PUM1: variants seen among roughly 807,000 people sequenced by gnomAD.
The protein encoded by PUM1 is pumilio homolog 1.
Under a neutral mutation model 131.8 loss-of-function variants are expected in PUM1, and 13 were observed. The observed-to-expected ratio is 0.10, with a 90% confidence interval of 0.06 to 0.16. The LOEUF (loss-of-function observed/expected upper bound fraction) is 0.16, where lower values mean the gene tolerates loss of function less well. PUM1 is among the 10% of genes least tolerant of loss of function. PUM1 has a pLI of 1.00. For synonymous variants in PUM1, 509 were observed against 556.5 expected (o/e 0.91, Z 1.20); for missense variants, 961 against 1,512.4 (o/e 0.64, Z 6.05).
intron 2 of PUM1, among the ~76,000 whole-genome samples, chr1:31,047,509 C>T (rs898481015): frequency 6.6e-6 from 1 of 152,246 alleles, no homozygotes; most frequent in African/African-American, 2.4e-5. Context: ...TCTTTCCACA[C>T]ACCCAGAAAC....
chr1:31,018,414 C>A (rs1642901197), intron 3 of PUM1, among the ~76,000 whole-genome samples: 2 of 152,122 alleles, frequency 1.3e-5, no homozygotes, highest in Non-Finnish European at 2.9e-5. Flanking sequence ...CTAATCCCAG[C>A]ACTTTGGGAG....
chr1:30,966,951 C>T (rs1041337331), intron 12 of PUM1: 8 of 503,188 alleles, frequency 1.6e-5, no homozygotes, highest in Non-Finnish European at 2.1e-5. Context: ...TTCTAACCAG[C>T]TGGCACATGC....
intron 14 of PUM1, among the ~76,000 whole-genome samples, chr1:30,960,703 G>A (rs2124430737): frequency 6.6e-6 from 1 of 152,194 alleles, no homozygotes; most frequent in Non-Finnish European, 1.5e-5. Context: ...TGCAAGACCT[G>A]CACACCAAAA....
At chr1:31,060,872 C>T (rs1293956879) in intron 1 of PUM1, among the ~76,000 whole-genome samples, 2 of 149,254 alleles carry the variant, frequency 1.3e-5, no homozygotes, top group Admixed American at 1.3e-4. Context: ...GGCGACAAAT[C>T]GAGACTCTGT....
intron 14 of PUM1, among the ~76,000 whole-genome samples, chr1:30,959,385 C>T (rs374742750): frequency 6.6e-6 from 1 of 152,082 alleles, no homozygotes; most frequent in African/African-American, 2.4e-5. Context: ...ACAAACACAC[C>T]AAATCGAACA....
At chr1:30,979,060 C>T (rs780852223) in intron 9 of PUM1, among the ~76,000 whole-genome samples, 5 of 150,110 alleles carry the variant, frequency 3.3e-5, no homozygotes, top group Admixed American at 6.7e-5. Context: ...ACTGTATTCA[C>T]GCCACTGCAT....
At chr1:30,966,631 C>G (rs949631205) in intron 12 of PUM1, among the ~76,000 whole-genome samples, 2 of 152,186 alleles carry the variant, frequency 1.3e-5, no homozygotes, top group African/African-American at 4.8e-5. Context: ...ATGTAATGCA[C>G]ATACACATCC....
chr1:30,961,981 T>C (rs997568295), intron 14 of PUM1, among the ~76,000 whole-genome samples: 1 of 152,220 alleles, frequency 6.6e-6, no homozygotes, highest in South Asian at 2.1e-4. Context: ...ATGTTTCTTA[T>C]ACTAAAATGT....
intron 17 of PUM1, among the ~76,000 whole-genome samples, chr1:30,948,563 C>G (rs1445469522): frequency 6.6e-6 from 1 of 152,076 alleles, no homozygotes; most frequent in East Asian, 2.0e-4. Flanking sequence ...CCAGCCTGGG[C>G]AACGTGGTGA....
At position 30,967,221 on chromosome 1, in the gene PUM1, C is replaced by G. The variant is rs2124441910; in HGVS notation, c.1735G>C (p.Val579Leu). 2 of 1,614,116 alleles carry G rather than the reference C, an allele frequency of 1.2e-6. No individual in the cohort carries two copies. Among genetic ancestry groups the G allele is most frequent in the Non-Finnish European group, 1.7e-6 (2 of 1,180,002 alleles). ...ACTGGGGCAGGAGCTACAAGTCGAA[C>G]AGGAGCTCCAAGACCATTTCTCGCG... Reference protein sequence around the residue: ...AGARNGLGAPVRLVAPAPVII... With the variant: ...AGARNGLGAPLRLVAPAPVII... The change falls in exon 12 of 22, where the codon GTT (valine) becomes CTT (leucine). Residue 579 changes from valine (V) to leucine (L), a missense_variant. By Grantham distance (32) the Val-to-Leu change is conservative (BLOSUM62 1). Coordinates refer to ENST00000426105, the MANE Select transcript of PUM1 (RefSeq NM_001020658.2).
intron 15 of PUM1, among the ~76,000 whole-genome samples, chr1:30,952,681 G>GAA (rs1156675617): frequency 3.4e-5 from 1 of 29,226 alleles, no homozygotes; most frequent in Non-Finnish European, 5.7e-5. Context: ...AAGCGGGGGG[G>GAA]GCGGGGGGGG....
At chr1:31,044,292 T>A (rs1643903060) in intron 2 of PUM1, among the ~76,000 whole-genome samples, 1 of 151,942 alleles carries the variant, frequency 6.6e-6, no homozygotes, top group South Asian at 2.1e-4. Flanking sequence ...TCCCAGCTAC[T>A]CGGGAGGCTG....
At chr1:30,967,082 A>C (rs1190561023) in intron 12 of PUM1, 85 bp downstream of exon 12, 16 of 1,542,178 alleles carry the variant, frequency 1.0e-5, no homozygotes, top group African/African-American at 1.4e-5. Context: ...AATTGCCAAA[A>C]GTTTATTTCA....
At chr1:30,966,869 T>C (rs936440649) in intron 12 of PUM1, among the ~76,000 whole-genome samples, 4 of 152,158 alleles carry the variant, frequency 2.6e-5, no homozygotes, top group Admixed American at 6.5e-5. Flanking sequence ...CTTGGATTTC[T>C]GCCAACAAAG....
intron 3 of PUM1, among the ~76,000 whole-genome samples, chr1:31,019,534 T>C (rs1424659789): frequency 6.6e-6 from 1 of 152,204 alleles, no homozygotes; most frequent in Non-Finnish European, 1.5e-5. Context: ...CATCAAAAGA[T>C]ATCATTCATA....
intron 2 of PUM1, among the ~76,000 whole-genome samples, chr1:31,035,515 G>A (rs1643579005): frequency 1.3e-5 from 2 of 152,272 alleles, no homozygotes; most frequent in Admixed American, 1.3e-4. Flanking sequence ...ACTTTCGGAG[G>A]CCGAGGCGGG....
At chr1:30,951,206 C>T (rs1408990686) in intron 16 of PUM1, among the ~76,000 whole-genome samples, 1 of 152,160 alleles carries the variant, frequency 6.6e-6, no homozygotes, top group East Asian at 1.9e-4. Flanking sequence ...TGGCTATAAT[C>T]CATTGTACAT....
intron 1 of PUM1, among the ~76,000 whole-genome samples, chr1:31,062,365 G>A (rs538403268): frequency 1.3e-5 from 2 of 152,236 alleles, no homozygotes; most frequent in South Asian, 4.2e-4. Context: ...GCTTACGCCT[G>A]TAATCCCAGC....
rs1023319790 is a variant in PUM1 at position 31,052,972 on chromosome 1, G to A, written c.363+6232C>T. Among the ~76,000 whole-genome samples, 6 of 151,144 alleles carry A rather than the reference G, an allele frequency of 4.0e-5. No individual in the cohort carries two copies. The South Asian group carries it at 1.0e-3, about 26-fold the overall frequency. On this transcript the variant is annotated intron_variant, in intron 2 of 21. Transcript: ENST00000426105. ...GCCCACCTCGGCCTCCAAAAGTGCTGGGATTACAGGCATAAGCCACCACGC... is the reference window on the plus strand; with the variant it reads ...GCCCACCTCGGCCTCCAAAAGTGCTAGGATTACAGGCATAAGCCACCACGC...
Sources: gnomAD v4.1 joint callset for allele counts (sites outside exome capture counted in the v4.1 genomes callset) on GRCh38, gnomAD v4.1.1 for gene constraint, MANE v1.5 for transcripts, NCBI Gene and HGNC (gene_info 2026-07-23, HGNC 2026-07-21) for gene names.